ADGRV1: variants seen among roughly 807,000 people sequenced by gnomAD.
ADGRV1 encodes adhesion G protein-coupled receptor V1.
In ADGRV1, 359 loss-of-function variants were observed where a neutral mutation model predicts 596.2. That is an observed-to-expected ratio of 0.60 (90% CI 0.55 to 0.66). The LOEUF (loss-of-function observed/expected upper bound fraction) is 0.66, where lower values mean the gene tolerates loss of function less well. Ranked by LOEUF, ADGRV1 falls within the 30% of genes least tolerant of loss-of-function variation. ADGRV1 has a pLI of 0.00. For synonymous variants in ADGRV1, 2,681 were observed against 2,679.2 expected (o/e 1.00, Z -0.02); for missense variants, 7,274 against 7,575.6 (o/e 0.96, Z 1.48).
chr5:90,817,313 G>C (rs1762999009), intron 75 of ADGRV1, among the ~76,000 whole-genome samples: 1 of 151,150 alleles, frequency 6.6e-6, no homozygotes, highest in Non-Finnish European at 1.5e-5. Context: ...CTGGATATTA[G>C]CCCTTTGTCA....
At chr5:91,144,158 C>T (rs1795341774) in intron 87 of ADGRV1, among the ~76,000 whole-genome samples, 1 of 152,142 alleles carries the variant, frequency 6.6e-6, no homozygotes, top group Admixed American at 6.5e-5. Flanking sequence ...GTGGCACCTG[C>T]CTGCTGCCAG....
chr5:91,006,636 A>G (rs1263717008), intron 85 of ADGRV1, among the ~76,000 whole-genome samples: 1 of 152,212 alleles, frequency 6.6e-6, no homozygotes, highest in Non-Finnish European at 1.5e-5. Context: ...CTCACTGTTC[A>G]TAGTATTGCT....
intron 83 of ADGRV1, among the ~76,000 whole-genome samples, chr5:90,930,905 G>A (rs1457846337): frequency 6.6e-6 from 1 of 152,056 alleles, no homozygotes; most frequent in African/African-American, 2.4e-5. Flanking sequence ...GATTACTACT[G>A]CCTAACTTTG....
At chr5:90,934,790 G>C (rs1775540993) in intron 83 of ADGRV1, among the ~76,000 whole-genome samples, 1 of 152,236 alleles carries the variant, frequency 6.6e-6, no homozygotes, top group Non-Finnish European at 1.5e-5. Flanking sequence ...CACTTACAAA[G>C]TAGATTTTAT....
chr5:90,743,598 A>G (rs965186928), intron 50 of ADGRV1, among the ~76,000 whole-genome samples: 1 of 151,442 alleles, frequency 6.6e-6, no homozygotes, highest in African/African-American at 2.4e-5. Flanking sequence ...CAGCCTCCCA[A>G]GTAGCTGGGA....
chr5:90,570,781 CTA>C (rs1010516277), intron 1 of ADGRV1, among the ~76,000 whole-genome samples: 44 of 150,696 alleles, frequency 2.9e-4, no homozygotes, highest in African/African-American at 1.0e-3. Flanking sequence ...TTTTTTTAAA[CTA>C]TCTTTTTGAT....
chr5:90,694,577 G>A lies in ADGRV1; in HGVS notation c.7821G>A (p.Glu2607=), dbSNP rs199715286. Residue 2607 remains glutamate, a synonymous_variant, in exon 33 of 90, where the codon GAG becomes GAA. Transcript: ENST00000405460. ...AGGAGCAGCCCCAAACCTTGGTGGA[G>A]CTGATGATACACAGGACAGGGGGCA... is the stretch of plus-strand genomic sequence containing the variant. ...EVQEQPQTLV[E]LMIHRTGGSL... is the part of the protein sequence containing the mutation. 6 of 1,613,908 alleles carry A rather than the reference G, an allele frequency of 3.7e-6. No individual in the cohort carries two copies. The African/African-American group carries it at 8.0e-5, about 22-fold the overall frequency.
chr5:91,078,456 A>T (rs1789043989), intron 86 of ADGRV1, among the ~76,000 whole-genome samples: 1 of 152,208 alleles, frequency 6.6e-6, no homozygotes, highest in African/African-American at 2.4e-5. Flanking sequence ...CCTCACATCA[A>T]AGGATGGAGA....
At chr5:90,820,552 A>G (rs1581226647) in intron 75 of ADGRV1, among the ~76,000 whole-genome samples, 1 of 151,730 alleles carries the variant, frequency 6.6e-6, no homozygotes, top group Non-Finnish European at 1.5e-5. Context: ...AGCGGCTGGT[A>G]CCGGTTGTTC....
At chr5:91,102,486 T>C (rs1791473134) in intron 87 of ADGRV1, 146 bp downstream of exon 87, 2 of 603,184 alleles carry the variant, frequency 3.3e-6, no homozygotes. Context: ...AATAAAATGA[T>C]AGGAACCTAA....
intron 32 of ADGRV1, among the ~76,000 whole-genome samples, chr5:90,693,099 C>G (rs192143293): frequency 2.7e-4 from 40 of 150,652 alleles, no homozygotes; most frequent in Admixed American, 2.2e-3. Context: ...AATTAAAGAG[C>G]ATTTGTATGA....
chr5:90,974,737 C>G (rs1779397391), intron 84 of ADGRV1, among the ~76,000 whole-genome samples: 1 of 152,086 alleles, frequency 6.6e-6, no homozygotes, highest in Admixed American at 6.5e-5. Flanking sequence ...GACCTAAAAC[C>G]ATAAAAACCC....
chr5:90,754,662 A>G (rs543215248), intron 54 of ADGRV1, among the ~76,000 whole-genome samples: 3 of 152,248 alleles, frequency 2.0e-5, no homozygotes, highest in South Asian at 4.1e-4. Context: ...CAACCTGCAT[A>G]TCTGTACTTC....
Position 90,674,074 on chromosome 5 carries a change from T to C in ADGRV1, c.4950T>C (p.Leu1650=). Residue 1650 remains leucine, a synonymous_variant, in exon 23 of 90, where the codon CTT becomes CTC. Transcript: ENST00000405460. ...QRSEVLNIYV[L]DDDIPELNEY... is the part of the protein sequence containing the mutation. Reference sequence around the variant, plus strand: ...TTTAGGTTCTGAATATATATGTTCTTGATGATGATATTCCTGAACTTAATG... The same window carrying C: ...TTTAGGTTCTGAATATATATGTTCTCGATGATGATATTCCTGAACTTAATG... The C allele has an allele frequency of 6.2e-7, 1 of 1,611,738 alleles. No individual in the cohort carries two copies. Among genetic ancestry groups the C allele is most frequent in the Non-Finnish European group, 8.5e-7 (1 of 1,178,116 alleles).
At chr5:90,778,187 T>C in intron 62 of ADGRV1, 144 bp downstream of exon 62, 1 of 998,478 alleles carries the variant, frequency 1.0e-6, no homozygotes, top group Non-Finnish European at 1.5e-6. Flanking sequence ...ATTACAGCAT[T>C]TGTGGTTGGC....
intron 1 of ADGRV1, among the ~76,000 whole-genome samples, chr5:90,567,446 T>C (rs1034704396): frequency 1.2e-4 from 19 of 152,178 alleles, no homozygotes; most frequent in African/African-American, 3.4e-4. Flanking sequence ...GTCCTGGACT[T>C]TCTTCATGGT....
At chr5:90,927,787 G>A (rs1351638159) in intron 83 of ADGRV1, among the ~76,000 whole-genome samples, 1 of 152,102 alleles carries the variant, frequency 6.6e-6, no homozygotes, top group African/African-American at 2.4e-5. Context: ...TCCTTTCCAT[G>A]TTTAGCGCTT....
At chr5:90,579,731 G>A (rs1339778588) in intron 1 of ADGRV1, among the ~76,000 whole-genome samples, 2 of 152,136 alleles carry the variant, frequency 1.3e-5, no homozygotes, top group Non-Finnish European at 2.9e-5. Context: ...TTATTATTGT[G>A]TGGGAGTCTA....
chr5:90,756,545 T>G lies in ADGRV1; in HGVS notation c.11672T>G (p.Val3891Gly). The change falls in exon 56 of 90, where the codon GTG (valine) becomes GGG (glycine). Residue 3891 changes from valine to glycine, a missense_variant. Val to Gly is a moderately radical substitution (Grantham distance 109). Coordinates refer to ENST00000405460, the MANE Select transcript of ADGRV1 (RefSeq NM_032119.4). ...NSDFSTGQPS[V>G]RRPGMEIAEI... The stretch of plus-strand genomic sequence containing the variant: ...GACTTCTCTACAGGACAGCCAAGTG[T>G]GCGGAGGCCCGGAATGGAAATAGCT... 1 of 1,613,496 alleles carries G rather than the reference T, an allele frequency of 6.2e-7. No individual in the cohort carries two copies.
Sources: gnomAD v4.1 joint callset for allele counts (sites outside exome capture counted in the v4.1 genomes callset) on GRCh38, gnomAD v4.1.1 for gene constraint, MANE v1.5 for transcripts, NCBI Gene and HGNC (gene_info 2026-07-23, HGNC 2026-07-21) for gene names.